The following SCLT1 variants were observed in gnomAD, a reference collection of about 807,000 sequenced individuals.
The protein encoded by SCLT1 is sodium channel and clathrin linker 1.
In SCLT1, 78 loss-of-function variants were observed where a neutral mutation model predicts 112.8. That is an observed-to-expected ratio of 0.69 (90% CI 0.58 to 0.83). The LOEUF (loss-of-function observed/expected upper bound fraction) is 0.83, where lower values mean the gene tolerates loss of function less well. Ranked by LOEUF, SCLT1 falls within the 40% of genes least tolerant of loss-of-function variation. The pLI, the probability that SCLT1 is intolerant of heterozygous loss-of-function variation, is 0.00. For synonymous variants in SCLT1, 257 were observed against 254.7 expected (o/e 1.01, Z -0.09); for missense variants, 747 against 770.4 (o/e 0.97, Z 0.36).
At chr4:128,983,314 G>C (rs1741828595) in intron 9 of SCLT1, among the ~76,000 whole-genome samples, 1 of 152,176 alleles carries the variant, frequency 6.6e-6, no homozygotes, top group Non-Finnish European at 1.5e-5. Flanking sequence ...GCACATGAGA[G>C]TTGGAAAATA....
intron 2 of SCLT1, among the ~76,000 whole-genome samples, chr4:129,071,212 G>C (rs1359909277): frequency 6.6e-6 from 1 of 152,110 alleles, no homozygotes; most frequent in Non-Finnish European, 1.5e-5. Flanking sequence ...GTCCATCTTG[G>C]AGAAAGTTCT....
intron 5 of SCLT1, 128 bp downstream of exon 5, chr4:129,038,913 A>G (rs2125692078): frequency 1.5e-6 from 1 of 672,342 alleles, no homozygotes; most frequent in East Asian, 2.8e-5. Flanking sequence ...GCCAGGAGTC[A>G]AATAGAAAAT....
intron 14 of SCLT1, among the ~76,000 whole-genome samples, chr4:128,948,869 T>C (rs537184505): frequency 2.0e-5 from 3 of 152,316 alleles, no homozygotes; most frequent in Admixed American, 1.3e-4. Flanking sequence ...TCTTTTCATA[T>C]ACTCTTATCA....
At chr4:128,977,710 CAATT>C (rs1452672766) in intron 9 of SCLT1, among the ~76,000 whole-genome samples, 1 of 151,940 alleles carries the variant, frequency 6.6e-6, no homozygotes, top group Non-Finnish European at 1.5e-5. Flanking sequence ...AAAGAAATGA[CAATT>C]AAGACGGAAC....
chr4:129,092,525 T>C (rs1321386905), intron 1 of SCLT1, among the ~76,000 whole-genome samples: 1 of 152,230 alleles, frequency 6.6e-6, no homozygotes, highest in Non-Finnish European at 1.5e-5. Flanking sequence ...CCTTTACATA[T>C]TTTAATATTC....
At chr4:129,092,626 C>T (rs1268167245) in intron 1 of SCLT1, among the ~76,000 whole-genome samples, 1 of 152,196 alleles carries the variant, frequency 6.6e-6, no homozygotes, top group Non-Finnish European at 1.5e-5. Flanking sequence ...TTTCCCTCCC[C>T]AAATTAAATT....
At chr4:128,973,866 T>G (rs1265942628) in intron 9 of SCLT1, among the ~76,000 whole-genome samples, 1 of 152,250 alleles carries the variant, frequency 6.6e-6, no homozygotes, top group East Asian at 1.9e-4. Context: ...TCCCACACTG[T>G]TCCATAGAAC....
At position 129,093,058 on chromosome 4, in the gene SCLT1, C is replaced by T. The variant is rs751926416; in HGVS notation, c.34+12G>A. The T allele has an allele frequency of 5.0e-6, 8 of 1,602,164 alleles. No homozygotes were observed. In the African/African-American group the frequency reaches 1.1e-4, roughly 21 times the overall value. ...CATTGTATATGAAGTCTCAAAAAAACATGGAGCTTACTTTGCTCTCTCAGA... is the reference window on the plus strand; with the variant it reads ...CATTGTATATGAAGTCTCAAAAAAATATGGAGCTTACTTTGCTCTCTCAGA... On this transcript the variant is annotated intron_variant, in intron 1 of 20. Transcript: ENST00000281142.
intron 2 of SCLT1, among the ~76,000 whole-genome samples, chr4:129,072,371 GT>G (rs1322522821): frequency 6.6e-6 from 1 of 152,134 alleles, no homozygotes; most frequent in Admixed American, 6.5e-5. Context: ...GGCCAAGGAA[GT>G]TTTCCTCAAT....
At chr4:129,054,174 C>T (rs1749127980) in intron 2 of SCLT1, among the ~76,000 whole-genome samples, 1 of 152,078 alleles carries the variant, frequency 6.6e-6, no homozygotes. Context: ...CTCTGGCTGC[C>T]CTTAACATAT....
At chr4:128,908,721 C>T (rs1391902320) in intron 18 of SCLT1, among the ~76,000 whole-genome samples, 1 of 152,194 alleles carries the variant, frequency 6.6e-6, no homozygotes, top group East Asian at 1.9e-4. Context: ...ATTTCCCAGA[C>T]TTCTATGCAG....
intron 2 of SCLT1, among the ~76,000 whole-genome samples, chr4:129,076,604 C>T (rs1472492009): frequency 2.0e-5 from 3 of 151,836 alleles, no homozygotes; most frequent in Non-Finnish European, 4.4e-5. Context: ...CCTTAGCTCC[C>T]TCAGTAGATA....
chr4:128,896,452 C>T (rs1733764898), intron 18 of SCLT1, among the ~76,000 whole-genome samples: 1 of 152,216 alleles, frequency 6.6e-6, no homozygotes, highest in Admixed American at 6.5e-5. Context: ...AACAGACCTG[C>T]AGCTGAGGGT....
At chr4:128,915,578 T>TGG (rs1735410429) in intron 18 of SCLT1, among the ~76,000 whole-genome samples, 1 of 152,176 alleles carries the variant, frequency 6.6e-6, no homozygotes, top group African/African-American at 2.4e-5. Flanking sequence ...TGTTAAATAC[T>TGG]GGGGGCACAT....
intron 18 of SCLT1, among the ~76,000 whole-genome samples, chr4:128,919,729 A>G (rs1433854068): frequency 6.9e-6 from 1 of 144,366 alleles, no homozygotes; most frequent in African/African-American, 2.7e-5. Context: ...TATTAACCCC[A>G]CAGAAATACA....
intron 2 of SCLT1, among the ~76,000 whole-genome samples, chr4:129,064,477 C>T (rs766710685): frequency 3.5e-4 from 53 of 152,106 alleles, no homozygotes; most frequent in Admixed American, 7.9e-4. Flanking sequence ...TTCTATGAGC[C>T]ATTTCAAGTT....
chr4:129,030,358 G>C (rs892183513), intron 5 of SCLT1, among the ~76,000 whole-genome samples: 12 of 151,974 alleles, frequency 7.9e-5, no homozygotes, highest in African/African-American at 9.7e-5. Flanking sequence ...ATCAGAAAGT[G>C]GGAAAGATCT....
Position 128,952,756 on chromosome 4 carries a change from T to A in SCLT1, c.1218+13A>T, listed in dbSNP as rs763400961. 1 of 1,322,198 alleles carries A rather than the reference T, an allele frequency of 7.6e-7. No homozygotes were observed. Among genetic ancestry groups the A allele is most frequent in the Non-Finnish European group, 1.1e-6 (1 of 914,256 alleles). The allele number at this position is 1,322,198 out of a possible 1,614,324, so 81.9% of individuals were successfully genotyped here. A position where few individuals can be genotyped will look rare whatever the true frequency, so the allele number is the denominator to read the frequency against. On this transcript the variant is annotated intron_variant, in intron 14 of 20. Transcript: ENST00000281142. ...TAATATTTGGAAGAAAATATCAGTA[T>A]AGTCAAACATACCATTTGAAGGGCT...
At chr4:128,908,109 A>G (rs887645038) in intron 18 of SCLT1, among the ~76,000 whole-genome samples, 2 of 152,186 alleles carry the variant, frequency 1.3e-5, no homozygotes, top group African/African-American at 4.8e-5. Flanking sequence ...TGCTTTAGTG[A>G]TGACTGATGA....
Sources: allele counts gnomAD v4.1 joint callset (sites outside exome capture counted in the v4.1 genomes callset), GRCh38; gene constraint gnomAD v4.1.1; transcripts MANE v1.5; gene names NCBI Gene and HGNC (gene_info 2026-07-23, HGNC 2026-07-21).